The following ADAMTSL3 variants were observed in gnomAD, a reference collection of about 807,000 sequenced individuals.
ADAMTSL3 encodes the protein ADAMTS-like protein 3.
ADAMTSL3 carries 128 observed loss-of-function variants against 201.7 expected under a neutral mutation model. The observed-to-expected ratio is 0.63, with a 90% CI of 0.55 to 0.73. The LOEUF is 0.73. Among genes scored for constraint, ADAMTSL3 ranks in the 30% least tolerant of loss-of-function variants. The pLI is 0.00. For missense variants in ADAMTSL3, 1,990 were observed against 2,119.6 expected (o/e 0.94, Z 1.20); for synonymous variants, 738 against 748.4 (o/e 0.99, Z 0.23).
chr15:83,660,197 G>T (rs185595500), intron 2 of ADAMTSL3, among the ~76,000 whole-genome samples: 38 of 152,294 alleles, frequency 2.5e-4, no homozygotes, highest in African/African-American at 9.1e-4. Context: ...GAGGACAAAA[G>T]AAGTGCCATT....
chr15:83,972,443 G>T (rs2067214520), intron 20 of ADAMTSL3, among the ~76,000 whole-genome samples: 1 of 152,150 alleles, frequency 6.6e-6, no homozygotes, highest in Admixed American at 6.5e-5. Flanking sequence ...GCATAGCAGT[G>T]TGGCTAGACT....
intron 2 of ADAMTSL3, among the ~76,000 whole-genome samples, chr15:83,690,827 C>T (rs1199692593): frequency 6.6e-6 from 1 of 152,154 alleles, no homozygotes; most frequent in Non-Finnish European, 1.5e-5. Context: ...TTACAACAAT[C>T]GTAATATCAT....
chr15:84,032,225 C>T (rs777200325), intron 28 of ADAMTSL3, among the ~76,000 whole-genome samples: 1 of 152,210 alleles, frequency 6.6e-6, no homozygotes, highest in Non-Finnish European at 1.5e-5. Flanking sequence ...GTGTGAAACA[C>T]GAGGCAGCCT....
At chr15:84,036,552 C>T (rs1257430164) in intron 28 of ADAMTSL3, among the ~76,000 whole-genome samples, 1 of 152,160 alleles carries the variant, frequency 6.6e-6, no homozygotes, top group Admixed American at 6.5e-5. Context: ...TTCATCAGAG[C>T]ACATCTAAGC....
rs530266383 is a variant in ADAMTSL3 at position 83,888,684 on chromosome 15, A to G, written c.1073-1425A>G. Reference sequence around the variant, plus strand: ...TGAGATCAATTTGGAGAAGGTACCTAGATTGCCATTGCCATCTGATATCGT... The same window carrying G: ...TGAGATCAATTTGGAGAAGGTACCTGGATTGCCATTGCCATCTGATATCGT... On this transcript the variant is annotated intron_variant, in intron 10 of 29. Transcript: ENST00000286744. Among the ~76,000 whole-genome samples, 5 of 152,328 alleles carry G rather than the reference A, an allele frequency of 3.3e-5. 1 individual carries two copies. In the South Asian group the frequency reaches 1.0e-3, roughly 32 times the overall value.
intron 3 of ADAMTSL3, among the ~76,000 whole-genome samples, chr15:83,744,801 C>T (rs984253426): frequency 5.9e-5 from 9 of 152,182 alleles, no homozygotes; most frequent in Non-Finnish European, 1.2e-4. Flanking sequence ...GCAGGACTGT[C>T]GTGTTTGGGG....
At chr15:83,772,043 G>A (rs1254644032) in intron 3 of ADAMTSL3, among the ~76,000 whole-genome samples, 1 of 151,970 alleles carries the variant, frequency 6.6e-6, no homozygotes, top group African/African-American at 2.4e-5. Flanking sequence ...TAGTAGAGAT[G>A]GGGTTTTGCC....
At chr15:83,865,919 A>G (rs1349278840) in intron 8 of ADAMTSL3, among the ~76,000 whole-genome samples, 1 of 152,236 alleles carries the variant, frequency 6.6e-6, no homozygotes, top group African/African-American at 2.4e-5. Flanking sequence ...ATTTACAAGA[A>G]AAAAACAGCC....
At chr15:83,745,632 G>A (rs2062532501) in intron 3 of ADAMTSL3, among the ~76,000 whole-genome samples, 2 of 152,152 alleles carry the variant, frequency 1.3e-5, no homozygotes, top group African/African-American at 4.8e-5. Context: ...TCCAGAGAGT[G>A]CAGTCCACCC....
At chr15:83,802,393 A>G (rs1215604532) in intron 4 of ADAMTSL3, among the ~76,000 whole-genome samples, 2 of 152,222 alleles carry the variant, frequency 1.3e-5, no homozygotes, top group African/African-American at 4.8e-5. Flanking sequence ...CTTTGTTACC[A>G]TAAAACCTGC....
intron 10 of ADAMTSL3, 120 bp from the exon 11 acceptor site, chr15:83,889,989 T>G: frequency 9.2e-7 from 1 of 1,084,082 alleles, no homozygotes; most frequent in Admixed American, 2.3e-5. Flanking sequence ...GAGCCAGGGT[T>G]GAGAACCACT....
intron 7 of ADAMTSL3, among the ~76,000 whole-genome samples, chr15:83,839,782 C>G (rs969294593): frequency 6.6e-6 from 1 of 152,082 alleles, no homozygotes; most frequent in East Asian, 1.9e-4. Flanking sequence ...AATTTTCCAT[C>G]TTGTGCAGCT....
At chr15:83,798,574 G>A (rs564379894) in intron 4 of ADAMTSL3, among the ~76,000 whole-genome samples, 30 of 152,196 alleles carry the variant, frequency 2.0e-4, no homozygotes, top group South Asian at 1.7e-3. Flanking sequence ...TTGGGAGGCC[G>A]AGGCGGGCGG....
At chr15:83,660,997 T>A (rs1277347315) in intron 2 of ADAMTSL3, among the ~76,000 whole-genome samples, 1 of 147,590 alleles carries the variant, frequency 6.8e-6, no homozygotes, top group South Asian at 2.3e-4. Flanking sequence ...GCTTTCTACA[T>A]ATGGCTAGCC....
At chr15:83,951,003 CT>C (rs75663059) in intron 19 of ADAMTSL3, among the ~76,000 whole-genome samples, 2,687 of 133,350 alleles carry the variant, frequency 0.02, 55 homozygotes, top group African/African-American at 0.055. Flanking sequence ...CTTTTCTTTT[CT>C]TTTTTTTTTT....
intron 3 of ADAMTSL3, among the ~76,000 whole-genome samples, chr15:83,735,120 A>G (rs2062350373): frequency 2.6e-5 from 4 of 152,194 alleles, no homozygotes; most frequent in African/African-American, 4.8e-5. Flanking sequence ...TAAACAAAGC[A>G]GTCTATCAGA....
chr15:83,825,405 G>C (rs2064000710), intron 6 of ADAMTSL3, among the ~76,000 whole-genome samples: 1 of 152,178 alleles, frequency 6.6e-6, no homozygotes, highest in Non-Finnish European at 1.5e-5. Flanking sequence ...AAGCCTAGGA[G>C]TTCGAGACCA....
chr15:83,815,062 T>C (rs1317691836), intron 5 of ADAMTSL3, among the ~76,000 whole-genome samples: 2 of 152,192 alleles, frequency 1.3e-5, no homozygotes, highest in Non-Finnish European at 2.9e-5. Flanking sequence ...TCTTCCTTTC[T>C]CTTCCCTTCT....
chr15:83,902,765 G>T (rs1423960424), intron 15 of ADAMTSL3, among the ~76,000 whole-genome samples: 1 of 151,980 alleles, frequency 6.6e-6, no homozygotes, highest in Non-Finnish European at 1.5e-5. Flanking sequence ...GCTGTTTCTT[G>T]CCCACAGCAA....
Sources: allele counts gnomAD v4.1 joint callset (sites outside exome capture counted in the v4.1 genomes callset), GRCh38; gene constraint gnomAD v4.1.1; transcripts MANE v1.5; gene names NCBI Gene and HGNC (gene_info 2026-07-23, HGNC 2026-07-21).